COL4A6: variants seen among roughly 807,000 people sequenced by gnomAD.
The protein encoded by COL4A6 is collagen type IV alpha 6 chain, also known as collagen alpha-6(IV) chain.
A neutral mutation model predicts 126.7 loss-of-function variants in COL4A6; 59 were observed. The observed-to-expected ratio is 0.47, with a 90% CI of 0.38 to 0.58. The LOEUF (loss-of-function observed/expected upper bound fraction) is 0.58, where lower values mean the gene tolerates loss of function less well. Among genes scored for constraint, COL4A6 ranks in the 20% least tolerant of loss-of-function variants. The pLI is 0.00. For missense variants in COL4A6, 1,285 were observed against 1,337.3 expected (o/e 0.96, Z 0.61); for synonymous variants, 547 against 496.6 (o/e 1.10, Z -1.35).
At chrX:108,341,194 A>G (rs1272432586) in intron 2 of COL4A6, among the ~76,000 whole-genome samples, 1 of 111,429 alleles carries the variant, frequency 9.0e-6, no homozygotes, top group South Asian at 3.8e-4. Flanking sequence ...GTACACAATA[A>G]CATGTGTACA....
At chrX:108,257,740 G>A (rs1230096049) in intron 3 of COL4A6, among the ~76,000 whole-genome samples, 1 of 110,685 alleles carries the variant, frequency 9.0e-6, no homozygotes, top group Non-Finnish European at 1.9e-5. Context: ...TATTTAATAC[G>A]ATCTTGGAAG....
intron 2 of COL4A6, among the ~76,000 whole-genome samples, chrX:108,317,434 A>G (rs973408292): frequency 8.9e-6 from 1 of 112,137 alleles, no homozygotes; most frequent in African/African-American, 3.2e-5. Flanking sequence ...GTCAGTATAG[A>G]CTTGACTACG....
At chrX:108,313,545 A>C (rs957819080) in intron 2 of COL4A6, among the ~76,000 whole-genome samples, 5 of 111,589 alleles carry the variant, frequency 4.5e-5, no homozygotes. Context: ...GTACATGTGC[A>C]CAACGTGCAG....
chrX:108,340,931 A>G (rs959003373), intron 2 of COL4A6, among the ~76,000 whole-genome samples: 4 of 110,772 alleles, frequency 3.6e-5, no homozygotes, highest in Non-Finnish European at 7.6e-5. Flanking sequence ...AAAATGCTTT[A>G]GAAGCTTATG....
At chrX:108,427,526 C>T (rs776006510) in intron 2 of COL4A6, among the ~76,000 whole-genome samples, 14 of 111,674 alleles carry the variant, frequency 1.3e-4, no homozygotes, top group African/African-American at 2.3e-4. Flanking sequence ...TGAATATGCA[C>T]GTCCTGTTAA....
At chrX:108,238,386 CGT>C (rs914696013) in intron 3 of COL4A6, among the ~76,000 whole-genome samples, 11 of 109,129 alleles carry the variant, frequency 1.0e-4, no homozygotes, top group Middle Eastern at 4.8e-3. Context: ...GGATTACAGG[CGT>C]GAGTCACCAC....
intron 5 of COL4A6, among the ~76,000 whole-genome samples, chrX:108,217,998 G>A (rs1032977233): frequency 4.5e-5 from 5 of 112,031 alleles, no homozygotes; most frequent in Admixed American, 3.8e-4. Flanking sequence ...GCCAAGCAAT[G>A]AAGCCTCGAA....
chrX:108,331,981 A>G (rs758424621), intron 2 of COL4A6, among the ~76,000 whole-genome samples: 3 of 110,748 alleles, frequency 2.7e-5, no homozygotes, highest in Admixed American at 1.9e-4. Flanking sequence ...AACAGGTAGT[A>G]TTTCATCCCT....
rs937446038 is a variant in COL4A6 at position 108,208,712 on chromosome X, A to G, written c.546+1257T>C. Among the ~76,000 whole-genome samples, 4 of 111,789 alleles carry G rather than the reference A, an allele frequency of 3.6e-5. No homozygotes were observed. In the South Asian group the frequency reaches 1.5e-3, roughly 43 times the overall value. On this transcript the variant is annotated intron_variant, in intron 8 of 44. Transcript: ENST00000334504. ...GGTGAAATGCAAGGGTCCATTTCCA[A>G]TTGTGGAGCAGGAATAACTTGACAT...
intron 2 of COL4A6, among the ~76,000 whole-genome samples, chrX:108,343,153 ATATATATATATAGTGTGTGTGT>A: frequency 2.7e-5 from 2 of 75,002 alleles, no homozygotes; most frequent in African/African-American, 9.7e-5. Flanking sequence ...ATATATATAT[ATATATATATATAGTGTGTGTGT>A]GTGTGTGTGT....
At chrX:108,249,858 C>A (rs889139849) in intron 3 of COL4A6, among the ~76,000 whole-genome samples, 2 of 111,969 alleles carry the variant, frequency 1.8e-5, no homozygotes. Context: ...ACATCCACTT[C>A]CTCCCTTTCA....
At chrX:108,215,493 C>A (rs1018210481) in intron 5 of COL4A6, among the ~76,000 whole-genome samples, 3 of 111,492 alleles carry the variant, frequency 2.7e-5, no homozygotes, top group African/African-American at 6.5e-5. Context: ...TGAAGATCTA[C>A]ACTCTATCTC....
chrX:108,396,331 C>T (rs747695086), intron 2 of COL4A6, among the ~76,000 whole-genome samples: 2 of 111,175 alleles, frequency 1.8e-5, no homozygotes, highest in African/African-American at 6.5e-5. Flanking sequence ...TCTTTCCACC[C>T]TCCCTTTTCA....
chrX:108,370,907 C>A (rs780906300), intron 2 of COL4A6, among the ~76,000 whole-genome samples: 2 of 111,438 alleles, frequency 1.8e-5, no homozygotes, highest in Non-Finnish European at 3.8e-5. Context: ...TTTGAATAAA[C>A]GATGGCCTTC....
intron 3 of COL4A6, among the ~76,000 whole-genome samples, chrX:108,233,303 C>T (rs1161653390): frequency 1.8e-5 from 2 of 111,472 alleles, no homozygotes; most frequent in Admixed American, 9.5e-5. Context: ...TAATATATTG[C>T]CCATCATTGA....
intron 31 of COL4A6, among the ~76,000 whole-genome samples, chrX:108,172,834 T>C (rs894855735): frequency 1.7e-4 from 19 of 112,174 alleles, no homozygotes; most frequent in Admixed American, 5.6e-4. Flanking sequence ...ATGCAGAAGA[T>C]GACAGGCCAG....
intron 23 of COL4A6, among the ~76,000 whole-genome samples, chrX:108,182,051 C>G (rs1279549967): frequency 1.8e-5 from 2 of 112,171 alleles, no homozygotes; most frequent in Non-Finnish European, 3.8e-5. Flanking sequence ...TTTCTTAAAT[C>G]AAGGTTGGGA....
At chrX:108,168,287 G>T in intron 37 of COL4A6, among the ~76,000 whole-genome samples, 1 of 112,132 alleles carries the variant, frequency 8.9e-6, no homozygotes, top group Middle Eastern at 4.6e-3. Context: ...CTCTGGGCAG[G>T]CTCGGACCCT....
chrX:108,170,767 A>G (rs1414628278), intron 34 of COL4A6, 43 bp downstream of exon 34: 8 of 1,201,873 alleles, frequency 6.7e-6, no homozygotes, highest in Non-Finnish European at 9.0e-6. Flanking sequence ...GCTTGAAGCT[A>G]ATCCAAACTC....
Sources: gnomAD v4.1 joint callset for allele counts (sites outside exome capture counted in the v4.1 genomes callset) on GRCh38, gnomAD v4.1.1 for gene constraint, MANE v1.5 for transcripts, NCBI Gene and HGNC (gene_info 2026-07-23, HGNC 2026-07-21) for gene names.